The following NR5A1 variants were observed in gnomAD, a reference collection of about 807,000 sequenced individuals.
NR5A1 encodes the protein nuclear receptor subfamily 5 group A member 1, also known as steroidogenic factor 1.
In NR5A1, 6 loss-of-function variants were observed where a neutral mutation model predicts 42.7. The observed-to-expected ratio is 0.14, with a 90% CI of 0.08 to 0.28. The LOEUF is 0.28. Ranked by LOEUF, NR5A1 falls within the 10% of genes least tolerant of loss-of-function variation. The pLI is 1.00. For synonymous variants in NR5A1, 274 were observed against 277.5 expected, an observed-to-expected ratio of 0.99 and a Z score of 0.12; for missense variants, 442 against 626.4, an observed-to-expected ratio of 0.71 and a Z score of 3.14.
chr9:124,488,571 ATTAAC>A (rs1216942447), intron 6 of NR5A1, among the ~76,000 whole-genome samples: 4 of 152,330 alleles, frequency 2.6e-5, no homozygotes, highest in African/African-American at 7.2e-5. Flanking sequence ...GCATATGCAC[ATTAAC>A]TTAATAATGG....
At position 124,482,694 on chromosome 9, in the gene NR5A1, GCGGCCCCGCCCAGGCCCCGCCCCCAGTCC is replaced by G; in HGVS notation, c.*35_*63del. The G allele has an allele frequency of 8.7e-7, 1 of 1,152,856 alleles. No homozygotes were observed. The highest frequency in any genetic ancestry group is 1.2e-6 in the Non-Finnish European group (1 of 814,868). 71.4% of individuals were successfully genotyped at this position (1,152,856 alleles called of 1,614,324 possible). On this transcript the variant is annotated 3_prime_UTR_variant, in exon 7 of 7. Transcript: ENST00000373588. ...ACCATGCGGAGCCAGCGGTGTGGCT[GCGGCCCCGCCCAGGCCCCGCCCCCAGTCC>G]CGCCCCCAGTCCCGGCCCCGCCCCC...
intron 6 of NR5A1, among the ~76,000 whole-genome samples, chr9:124,487,710 C>T (rs1366827436): frequency 4.6e-5 from 7 of 152,202 alleles, no homozygotes; most frequent in Non-Finnish European, 1.0e-4. Flanking sequence ...AGGGGGACGC[C>T]CTGCGCGCCA....
rs370414442 is a variant in NR5A1, at chr9:124,498,712, G to A, written c.870+1378C>T. Among the ~76,000 whole-genome samples, 8 of 152,216 alleles carry A rather than the reference G, an allele frequency of 5.3e-5. No individual in the cohort carries two copies. The highest frequency in any genetic ancestry group is 1.2e-4 in the African/African-American group (5 of 41,448). ...TGCCTTTTGCCTCATCCATTAGGTC[G>A]GACCAGAGAGGCGGGCAGTGTTGAG... On this transcript the variant is annotated intron_variant, in intron 4 of 6. Coordinates refer to ENST00000373588, the MANE Select transcript of NR5A1 (RefSeq NM_004959.5). This position sits in a 1 kb window ranked among gnomAD's most constrained non-coding sequence, Gnocchi z 4.6.
rs1215377586 is a variant in NR5A1 at position 124,496,606 on chromosome 9, C to A, written c.871-3457G>T. On this transcript the variant is annotated intron_variant, in intron 4 of 6. Transcript: ENST00000373588. The surrounding 1 kb of genome is among the most constrained non-coding windows in gnomAD (Gnocchi z 5.0). ...GTCCGATTGGTCTGGCTGTGAAGGCCGGTGGGCTGTGTAATTCTCTGGTGG... is the reference window on the plus strand; with the variant it reads ...GTCCGATTGGTCTGGCTGTGAAGGCAGGTGGGCTGTGTAATTCTCTGGTGG... Among the ~76,000 whole-genome samples, 1 of 152,188 alleles carries A rather than the reference C, an allele frequency of 6.6e-6. No individual in the cohort carries two copies. Among genetic ancestry groups the A allele is most frequent in the Non-Finnish European group, 1.5e-5 (1 of 68,032 alleles).
At chr9:124,491,036 C>CCCCCAGGGGG in intron 6 of NR5A1, 45 bp downstream of exon 6, 1 of 1,401,598 alleles carries the variant, frequency 7.1e-7, no homozygotes, top group Non-Finnish European at 9.6e-7. Context: ...CCCACCCACC[C>CCCCCAGGGGG]GCCTCTGGCT....
chr9:124,493,298 T>C (rs1832344321), intron 4 of NR5A1, 149 bp from the exon 5 acceptor site: 1 of 1,098,412 alleles, frequency 9.1e-7, no homozygotes. Context: ...GTCTAGGCTA[T>C]CAAAGTGCAA....
At position 124,481,831 on chromosome 9, in the gene NR5A1, T is replaced by C. The variant is rs1362104133; in HGVS notation, c.*927A>G. ...CCAGCACCACCCCAAGGGTACTTAG[T>C]AGGCGAGTGTCCGGGGAGAAACCGT... On this transcript the variant is annotated 3_prime_UTR_variant, in exon 7 of 7. Coordinates refer to ENST00000373588, the MANE Select transcript of NR5A1 (RefSeq NM_004959.5). The C allele has an allele frequency of 6.6e-6, 1 of 152,230 alleles. No individual in the cohort carries two copies. Among genetic ancestry groups the C allele is most frequent in the African/African-American group, 2.4e-5 (1 of 41,432 alleles). 9.4% of individuals were successfully genotyped at this position (152,230 alleles called of 1,614,324 possible).
intron 4 of NR5A1, among the ~76,000 whole-genome samples, chr9:124,494,971 TCCTGGGGCGTC>T (rs547133294): frequency 1.2e-4 from 19 of 152,298 alleles, no homozygotes; most frequent in African/African-American, 3.6e-4. Flanking sequence ...TCCCCTTCTC[TCCTGGGGCGTC>T]CCTGGGGCCT....
At chr9:124,486,958 C>G (rs998184716) in intron 6 of NR5A1, among the ~76,000 whole-genome samples, 4 of 152,266 alleles carry the variant, frequency 2.6e-5, no homozygotes, top group African/African-American at 9.6e-5. Flanking sequence ...AAATTCATCT[C>G]TGCCTCACAG....
chr9:124,484,221 G>A (rs1280436230), intron 6 of NR5A1, among the ~76,000 whole-genome samples: 1 of 152,144 alleles, frequency 6.6e-6, no homozygotes, highest in South Asian at 2.1e-4. Flanking sequence ...CTACACCACC[G>A]TAAAGTCAAA....
At chr9:124,490,814 AACAGGG>A (rs1832296160) in intron 6 of NR5A1, among the ~76,000 whole-genome samples, 1 of 152,160 alleles carries the variant, frequency 6.6e-6, no homozygotes, top group African/African-American at 2.4e-5. Flanking sequence ...GATTAGAGAA[AACAGGG>A]ACCCCAGGAT....
chr9:124,503,062 G>T lies in NR5A1; in HGVS notation c.244+17C>A. 1.9e-6 allele frequency: 3 copies of T among 1,558,006 alleles called. No homozygotes were observed. Among genetic ancestry groups the T allele is most frequent in the Non-Finnish European group, 2.6e-6 (3 of 1,155,678 alleles). ...AGGCTGTGGGGGGTCAGGGGTCGAG[G>T]CCCGCGCGGCGCGCACCTTCCAGGC... is the stretch of plus-strand genomic sequence containing the variant. On this transcript the variant is annotated intron_variant, in intron 3 of 6. Transcript: ENST00000373588. The surrounding 1 kb of genome is among the most constrained non-coding windows in gnomAD (Gnocchi z 9.6).
intron 6 of NR5A1, 45 bp downstream of exon 6, chr9:124,491,036 C>CCCCCCCGGCGGGG: frequency 7.1e-7 from 1 of 1,401,602 alleles, no homozygotes; most frequent in Non-Finnish European, 9.6e-7. Flanking sequence ...CCCACCCACC[C>CCCCCCCGGCGGGG]GCCTCTGGCT....
intron 4 of NR5A1, among the ~76,000 whole-genome samples, chr9:124,494,496 A>T (rs116053728): frequency 6.6e-6 from 1 of 152,318 alleles, no homozygotes; most frequent in African/African-American, 2.4e-5. Context: ...CAGAATCTGC[A>T]ACATCTCATG....
Position 124,482,244 on chromosome 9 carries a change from C to T in NR5A1, c.*514G>A, listed in dbSNP as rs919045351. 9 of 207,956 alleles carry T rather than the reference C, an allele frequency of 4.3e-5. No homozygotes were observed. The highest frequency in any genetic ancestry group is 1.4e-4 in the African/African-American group (6 of 43,160). 12.9% of individuals were successfully genotyped at this position (207,956 alleles called of 1,614,324 possible). A position where few individuals can be genotyped will look rare whatever the true frequency, so the allele number is the denominator to read the frequency against. ...ATAGCCCCTCTCAATTTAGCAAACTCGGTTATCCTTAGTTTACAAAACAGA... is the reference window on the plus strand; with the variant it reads ...ATAGCCCCTCTCAATTTAGCAAACTTGGTTATCCTTAGTTTACAAAACAGA... On this transcript the variant is annotated 3_prime_UTR_variant, in exon 7 of 7. Coordinates refer to ENST00000373588, the MANE Select transcript of NR5A1 (RefSeq NM_004959.5).
chr9:124,484,164 A>G (rs1398818008), intron 6 of NR5A1, among the ~76,000 whole-genome samples: 4 of 152,206 alleles, frequency 2.6e-5, no homozygotes, highest in Non-Finnish European at 4.4e-5. Context: ...GAAGGGTTAC[A>G]TGGGTACTCC....
chr9:124,484,688 T>C (rs1832181803), intron 6 of NR5A1, among the ~76,000 whole-genome samples: 1 of 151,986 alleles, frequency 6.6e-6, no homozygotes, highest in Non-Finnish European at 1.5e-5. Context: ...CGGGAGGTGG[T>C]GGTTGCTGTG....
In NR5A1 at chr9:124,503,553, C is replaced by G; in HGVS notation, c.-15-143G>C. ...CGCTGCCGCCGGCACCCACCGAGCGCCCCGCGCAGCGTCCCGGGGTGGGTC... is the reference window on the plus strand; with the variant it reads ...CGCTGCCGCCGGCACCCACCGAGCGGCCCGCGCAGCGTCCCGGGGTGGGTC... On this transcript the variant is annotated intron_variant, in intron 1 of 6. Coordinates refer to ENST00000373588, the MANE Select transcript of NR5A1 (RefSeq NM_004959.5). The surrounding 1 kb of genome is among the most constrained non-coding windows in gnomAD (Gnocchi z 9.6). 1.7e-6 allele frequency: 1 copy of G among 598,866 alleles called. No individual in the cohort carries two copies. The highest frequency in any genetic ancestry group is 2.7e-6 in the Non-Finnish European group (1 of 374,978). 37.1% of individuals were successfully genotyped at this position (598,866 alleles called of 1,614,324 possible). A position where few individuals can be genotyped will look rare whatever the true frequency, so the allele number is the denominator to read the frequency against.
chr9:124,487,390 C>A lies in NR5A1; in HGVS notation c.1138+3691G>T, dbSNP rs146856102. On this transcript the variant is annotated intron_variant, in intron 6 of 6. Coordinates refer to ENST00000373588, the MANE Select transcript of NR5A1 (RefSeq NM_004959.5). ...ACGCTTAAGGGAATGCTGCTGCCGC[C>A]GCCTCAATGGAAGTCAGGAAATCGA... Among the ~76,000 whole-genome samples, 537 of 152,332 alleles carry A rather than the reference C, an allele frequency of 3.5e-3. 3 individuals are homozygous for A. Among genetic ancestry groups the A allele is most frequent in the Non-Finnish European group, 6.0e-3 (406 of 68,032 alleles).
Sources: allele counts gnomAD v4.1 joint callset (sites outside exome capture counted in the v4.1 genomes callset), GRCh38; gene constraint gnomAD v4.1.1; non-coding constraint Gnocchi (gnomAD v3.1); transcripts MANE v1.5; gene names NCBI Gene and HGNC (gene_info 2026-07-23, HGNC 2026-07-21).